The following SYNJ2BP variants were observed in gnomAD, a reference collection of about 807,000 sequenced individuals.
The protein encoded by SYNJ2BP is synaptojanin-2-binding protein.
In SYNJ2BP, 10 loss-of-function variants were observed where a neutral mutation model predicts 16.9. That is an observed-to-expected ratio of 0.59 (90% CI 0.36 to 1.00). The LOEUF is 1.00. SYNJ2BP is among the 50% of genes least tolerant of loss of function. SYNJ2BP has a pLI of 0.01. For missense variants in SYNJ2BP, 162 were observed against 186.7 expected, an observed-to-expected ratio of 0.87 and a Z score of 0.77; for synonymous variants, 54 against 68.4, an observed-to-expected ratio of 0.79 and a Z score of 1.04.
At position 70,410,378 on chromosome 14, in the gene SYNJ2BP, C is replaced by T. The variant is rs141270232; in HGVS notation, c.64+6522G>A. On this transcript the variant is annotated intron_variant, in intron 1 of 3. Transcript: ENST00000256366. ...GGTCAAGGCTGCAGTGAGCCAAGATCGTGCCACTGCACTCCAGCCTCGGTG... is the reference window on the plus strand; with the variant it reads ...GGTCAAGGCTGCAGTGAGCCAAGATTGTGCCACTGCACTCCAGCCTCGGTG... Among the ~76,000 whole-genome samples, 286 of 152,078 alleles carry T rather than the reference C, an allele frequency of 1.9e-3. 1 individual carries two copies. Among genetic ancestry groups the T allele is most frequent in the African/African-American group, 6.0e-3 (251 of 41,494 alleles).
chr14:70,376,265 C>T (rs1244393398), intron 2 of SYNJ2BP, among the ~76,000 whole-genome samples: 2 of 152,222 alleles, frequency 1.3e-5, no homozygotes, highest in African/African-American at 4.8e-5. Flanking sequence ...TTGGGCTTTT[C>T]ATAGTGAACA....
intron 2 of SYNJ2BP, among the ~76,000 whole-genome samples, chr14:70,377,801 T>A (rs1352972672): frequency 5.9e-5 from 9 of 152,168 alleles, no homozygotes; most frequent in Admixed American, 5.9e-4. Context: ...ATTATACACC[T>A]CTATAAAGAA....
chr14:70,381,732 T>G (rs760175161), intron 2 of SYNJ2BP, among the ~76,000 whole-genome samples: 8 of 152,246 alleles, frequency 5.3e-5, no homozygotes, highest in Non-Finnish European at 8.8e-5. Context: ...AGCTGCACTT[T>G]AACACTCCTT....
At chr14:70,379,036 C>T (rs12886764) in intron 2 of SYNJ2BP, among the ~76,000 whole-genome samples, 3 of 151,786 alleles carry the variant, frequency 2.0e-5, no homozygotes, top group Middle Eastern at 3.2e-3. Context: ...AATATTAAAG[C>T]CCTCAAAATC....
At chr14:70,373,222 T>C (rs1887555386) in intron 3 of SYNJ2BP, 91 bp from the exon 4 acceptor site, 4 of 1,529,710 alleles carry the variant, frequency 2.6e-6, no homozygotes, top group Admixed American at 1.9e-5. Context: ...GTTTGTAGAC[T>C]CTAGACCACC....
chr14:70,393,028 C>T lies in SYNJ2BP; in HGVS notation c.65-4422G>A, dbSNP rs1181119146. The stretch of plus-strand genomic sequence containing the variant: ...ATCATCAGAGTGGACAGGTAACCTA[C>T]AAAATGGGAGAAAATTTTTGCAATC... On this transcript the variant is annotated intron_variant, in intron 1 of 3. Coordinates refer to ENST00000256366, the MANE Select transcript of SYNJ2BP (RefSeq NM_018373.3). 2.0e-5 allele frequency among the ~76,000 whole-genome samples: 3 copies of T among 152,184 alleles called. No individual in the cohort carries two copies. The East Asian group carries it at 5.8e-4, about 29-fold the overall frequency.
At chr14:70,382,521 T>G (rs1177865260) in intron 2 of SYNJ2BP, among the ~76,000 whole-genome samples, 1 of 152,196 alleles carries the variant, frequency 6.6e-6, no homozygotes, top group Non-Finnish European at 1.5e-5. Context: ...TCTGTAGGTC[T>G]GGGAAGGGCC....
chr14:70,387,627 C>T lies in SYNJ2BP; in HGVS notation c.201+843G>A, dbSNP rs970548840. Among the ~76,000 whole-genome samples the T allele has an allele frequency of 1.1e-4, 16 of 152,128 alleles. No individual in the cohort carries two copies. In the Middle Eastern group the frequency reaches 0.017, roughly 162 times the overall value. On this transcript the variant is annotated intron_variant, in intron 2 of 3. Coordinates refer to ENST00000256366, the MANE Select transcript of SYNJ2BP (RefSeq NM_018373.3). Reference sequence around the variant, plus strand: ...TGGGCGAATCATGAGGTCAGGAGTTCGAGACCAGCCTAGCCAACATGGTGA... The same window carrying T: ...TGGGCGAATCATGAGGTCAGGAGTTTGAGACCAGCCTAGCCAACATGGTGA...
intron 1 of SYNJ2BP, among the ~76,000 whole-genome samples, chr14:70,403,169 C>T (rs1265195540): frequency 6.6e-6 from 1 of 152,112 alleles, no homozygotes; most frequent in Non-Finnish European, 1.5e-5. Flanking sequence ...AATAAGTAAT[C>T]AAGGAACTGG....
At chr14:70,393,246 A>T (rs2140842182) in intron 1 of SYNJ2BP, among the ~76,000 whole-genome samples, 1 of 152,364 alleles carries the variant, frequency 6.6e-6, no homozygotes, top group South Asian at 2.1e-4. Context: ...ATGCAAATCA[A>T]AAGAGATGCC....
chr14:70,414,174 A>G (rs770585344), intron 1 of SYNJ2BP, among the ~76,000 whole-genome samples: 4 of 152,202 alleles, frequency 2.6e-5, no homozygotes, highest in Non-Finnish European at 5.9e-5. Context: ...AGTGATTAAC[A>G]TGAACTTGAA....
intron 1 of SYNJ2BP, among the ~76,000 whole-genome samples, chr14:70,403,368 C>T (rs10140251): frequency 0.066 from 9,982 of 152,208 alleles, 559 homozygotes; most frequent in African/African-American, 0.15. Flanking sequence ...AGAGCAACTC[C>T]ATCTTGAATA....
chr14:70,381,662 C>G (rs1887752758), intron 2 of SYNJ2BP, among the ~76,000 whole-genome samples: 1 of 152,192 alleles, frequency 6.6e-6, no homozygotes, highest in African/African-American at 2.4e-5. Context: ...GGTCCCACCA[C>G]CAGCAGCCTT....
chr14:70,409,654 C>T (rs1381036808), intron 1 of SYNJ2BP, among the ~76,000 whole-genome samples: 1 of 152,222 alleles, frequency 6.6e-6, no homozygotes. Flanking sequence ...GGTGTTCCAT[C>T]TACTCCTTCT....
chr14:70,409,088 T>C (rs964239334), intron 1 of SYNJ2BP, among the ~76,000 whole-genome samples: 1 of 152,124 alleles, frequency 6.6e-6, no homozygotes, highest in Non-Finnish European at 1.5e-5. Flanking sequence ...TTTTGCTTTG[T>C]TTTGTTGGCA....
chr14:70,405,612 C>T (rs544961530), intron 1 of SYNJ2BP, among the ~76,000 whole-genome samples: 67 of 152,036 alleles, frequency 4.4e-4, no homozygotes, highest in Non-Finnish European at 7.6e-4. Context: ...GTTTTGGGGG[C>T]CACTGATCTG....
intron 2 of SYNJ2BP, among the ~76,000 whole-genome samples, chr14:70,379,221 AG>A (rs1212288218): frequency 6.6e-6 from 1 of 152,210 alleles, no homozygotes; most frequent in Non-Finnish European, 1.5e-5. Context: ...CTAGGTCTCC[AG>A]ATTAATCTTC....
At chr14:70,395,570 C>T (rs919134790) in intron 1 of SYNJ2BP, among the ~76,000 whole-genome samples, 2 of 152,078 alleles carry the variant, frequency 1.3e-5, no homozygotes, top group Non-Finnish European at 2.9e-5. Flanking sequence ...TTCTCCCAGA[C>T]ATCAATCAAA....
At chr14:70,386,029 AC>A (rs1887852371) in intron 2 of SYNJ2BP, among the ~76,000 whole-genome samples, 1 of 152,220 alleles carries the variant, frequency 6.6e-6, no homozygotes, top group Non-Finnish European at 1.5e-5. Context: ...TCTACGTTTA[AC>A]CAAAGCTTTT....
Sources: gnomAD v4.1 joint callset for allele counts (sites outside exome capture counted in the v4.1 genomes callset) on GRCh38, gnomAD v4.1.1 for gene constraint, MANE v1.5 for transcripts, NCBI Gene and HGNC (gene_info 2026-07-23, HGNC 2026-07-21) for gene names.